Variants in APP observed in about 807,000 individuals in gnomAD.
APP encodes the protein amyloid beta precursor protein, also known as amyloid-beta precursor protein.
Under a neutral mutation model 101.4 loss-of-function variants are expected in APP, and 31 were observed. The observed-to-expected ratio is 0.31, with a 90% CI of 0.23 to 0.41. The LOEUF (loss-of-function observed/expected upper bound fraction) is 0.41, where lower values mean the gene tolerates loss of function less well. Ranked by LOEUF, APP falls within the 10% of genes least tolerant of loss-of-function variation. The probability of loss-of-function intolerance (pLI) is 1.00; values close to 1 mark genes in which losing one functional copy is unlikely to be tolerated. For missense variants in APP, 839 were observed against 1,003.7 expected, an observed-to-expected ratio of 0.84 and a Z score of 2.22; for synonymous variants, 366 against 364.4, an observed-to-expected ratio of 1.00 and a Z score of -0.05.
At chr21:26,134,616 G>C (rs1026697040) in intron 1 of APP, among the ~76,000 whole-genome samples, 26 of 152,208 alleles carry the variant, frequency 1.7e-4, no homozygotes, top group Non-Finnish European at 8.8e-5. Context: ...CTATCTGGAA[G>C]TTCCCAGAAC....
At chr21:25,888,019 C>CT (rs1457119503) in intron 17 of APP, among the ~76,000 whole-genome samples, 1 of 151,862 alleles carries the variant, frequency 6.6e-6, no homozygotes, top group Non-Finnish European at 1.5e-5. Context: ...ATTTTTCACT[C>CT]TAAAAACAAA....
At chr21:26,001,144 A>G (rs2043277115) in intron 6 of APP, among the ~76,000 whole-genome samples, 1 of 152,178 alleles carries the variant, frequency 6.6e-6, no homozygotes, top group Non-Finnish European at 1.5e-5. Context: ...ACTCCAACTG[A>G]TTAATACACA....
intron 1 of APP, among the ~76,000 whole-genome samples, chr21:26,152,284 CA>C (rs1161739630): frequency 1.3e-3 from 46 of 36,174 alleles, no homozygotes; most frequent in South Asian, 2.6e-3. Context: ...GACTCCATCT[CA>C]AAAAAAAAAA....
intron 15 of APP, among the ~76,000 whole-genome samples, chr21:25,903,356 G>A (rs2038611026): frequency 2.2e-5 from 3 of 135,642 alleles, no homozygotes; most frequent in Admixed American, 7.7e-5. Context: ...GGGACACAGC[G>A]AGACTCCATC....
chr21:25,969,034 T>C (rs140422296), intron 11 of APP, among the ~76,000 whole-genome samples: 2,845 of 152,210 alleles, frequency 0.019, 44 homozygotes, highest in Middle Eastern at 0.031. Flanking sequence ...GATTTATGTC[T>C]TCAAGAGGAA....
At chr21:25,887,702 C>T (rs1145) in intron 17 of APP, among the ~76,000 whole-genome samples, 12,064 of 152,024 alleles carry the variant, frequency 0.079, 639 homozygotes, top group Non-Finnish European at 0.12. Flanking sequence ...TGTTTAGATA[C>T]GCAAATCCCT....
chr21:25,974,875 A>G (rs2042167174), intron 11 of APP, among the ~76,000 whole-genome samples, 195 bp downstream of exon 11: 1 of 152,148 alleles, frequency 6.6e-6, no homozygotes, highest in Non-Finnish European at 1.5e-5. Context: ...CCTGCTGTGT[A>G]GAGATGACCT....
chr21:25,899,130 T>C (rs576912971), intron 15 of APP, among the ~76,000 whole-genome samples: 37 of 152,326 alleles, frequency 2.4e-4, no homozygotes, highest in African/African-American at 8.9e-4. Context: ...GGCTTACAGA[T>C]TGTGAAGCTA....
At chr21:25,975,465 T>C (rs891966912) in intron 10 of APP, among the ~76,000 whole-genome samples, 4 of 152,148 alleles carry the variant, frequency 2.6e-5, no homozygotes, top group Non-Finnish European at 2.9e-5. Flanking sequence ...TTTCATAGGC[T>C]CTCTGAAGGC....
intron 1 of APP, among the ~76,000 whole-genome samples, chr21:26,137,556 G>A (rs2830082): frequency 0.097 from 14,736 of 152,092 alleles, 916 homozygotes; most frequent in Admixed American, 0.15. Context: ...ATTTAACAAA[G>A]AAACAAGACC....
chr21:26,142,355 G>A (rs987914434), intron 1 of APP, among the ~76,000 whole-genome samples: 40 of 152,128 alleles, frequency 2.6e-4, no homozygotes, highest in Admixed American at 6.5e-5. Context: ...CTGGCTCACT[G>A]CAGAAACTAA....
chr21:26,051,249 G>A, intron 4 of APP, 56 bp from the exon 5 acceptor site: 1 of 1,499,096 alleles, frequency 6.7e-7, no homozygotes, highest in Non-Finnish European at 9.2e-7. Flanking sequence ...TTCATTGTAA[G>A]AAAACTCCAC....
At chr21:25,888,966 T>C (rs1475578421) in intron 17 of APP, among the ~76,000 whole-genome samples, 1 of 152,158 alleles carries the variant, frequency 6.6e-6, no homozygotes, top group African/African-American at 2.4e-5. Context: ...TTTTCAACAC[T>C]CAGATTCGCA....
rs189812638 is a variant in APP, at chr21:25,961,439, A to G, written c.1459-5684T>C. ...GACCTGTCTCAGATTTGCTGGGTTC[A>G]CATAGATAACAGTTCCCTATACTTT... On this transcript the variant is annotated intron_variant, in intron 11 of 17. Transcript: ENST00000346798. 2.6e-5 allele frequency among the ~76,000 whole-genome samples: 4 copies of G among 152,340 alleles called. No homozygotes were observed. In the East Asian group the frequency reaches 7.7e-4, roughly 29 times the overall value.
chr21:26,011,630 C>T (rs1168975764), intron 6 of APP, among the ~76,000 whole-genome samples: 1 of 152,100 alleles, frequency 6.6e-6, no homozygotes, highest in African/African-American at 2.4e-5. Flanking sequence ...TGCCATAGCC[C>T]AAGCAAACAC....
At chr21:26,047,807 G>A (rs2045671245) in intron 5 of APP, among the ~76,000 whole-genome samples, 1 of 152,162 alleles carries the variant, frequency 6.6e-6, no homozygotes, top group Non-Finnish European at 1.5e-5. Context: ...ATCAAACACA[G>A]TGTGTGGCTA....
At chr21:26,006,086 T>C (rs1185524443) in intron 6 of APP, among the ~76,000 whole-genome samples, 1 of 152,206 alleles carries the variant, frequency 6.6e-6, no homozygotes. Flanking sequence ...ATCAAACTTA[T>C]TTTTTGATTT....
intron 5 of APP, among the ~76,000 whole-genome samples, chr21:26,040,629 T>C (rs1005160175): frequency 1.5e-5 from 2 of 130,824 alleles, no homozygotes; most frequent in Non-Finnish European, 3.2e-5. Flanking sequence ...AAAAGCTGAG[T>C]GTGGAAGCAG....
chr21:25,896,818 A>G (rs146166261), intron 16 of APP, among the ~76,000 whole-genome samples: 136 of 152,218 alleles, frequency 8.9e-4, no homozygotes, highest in Middle Eastern at 3.4e-3. Flanking sequence ...CCATGATCTT[A>G]CTCTTGCAAG....
Sources: gnomAD v4.1 joint callset for allele counts (sites outside exome capture counted in the v4.1 genomes callset) on GRCh38, gnomAD v4.1.1 for gene constraint, MANE v1.5 for transcripts, NCBI Gene and HGNC (gene_info 2026-07-23, HGNC 2026-07-21) for gene names.